Variants in EPOR observed in about 807,000 individuals in gnomAD.
EPOR encodes erythropoietin receptor.
Under a neutral mutation model 34.3 loss-of-function variants are expected in EPOR, and 20 were observed. The ratio of observed to expected loss-of-function variants is 0.58; its 90% confidence interval spans 0.41 to 0.85. The LOEUF (loss-of-function observed/expected upper bound fraction) is 0.85. Ranked by LOEUF, EPOR falls within the 40% of genes least tolerant of loss-of-function variation. The pLI, the probability that EPOR is intolerant of heterozygous loss-of-function variation, is 0.00. For synonymous variants in EPOR, 312 were observed against 299.0 expected (o/e 1.04, Z -0.45); for missense variants, 601 against 672.7 (o/e 0.89, Z 1.18).
rs1195449181 is a variant in EPOR, at chr19:11,383,987, G to A, written c.115+106C>T. The A allele has an allele frequency of 1.1e-5, 9 of 801,418 alleles. No individual in the cohort carries two copies. The East Asian group carries it at 1.9e-4, about 17-fold the overall frequency. The allele number at this position is 801,418 out of a possible 1,614,324, so 49.6% of individuals were successfully genotyped here. A position where few individuals can be genotyped will look rare whatever the true frequency, so the allele number is the denominator to read the frequency against. Reference sequence around the variant, plus strand: ...CAGCTTGGCCCCCAGGACCCGGTCAGGAAGTCCAGAAACAGGCATGGCCCC... The same window carrying A: ...CAGCTTGGCCCCCAGGACCCGGTCAAGAAGTCCAGAAACAGGCATGGCCCC... On this transcript the variant is annotated intron_variant, in intron 1 of 7. Coordinates refer to ENST00000222139, the MANE Select transcript of EPOR (RefSeq NM_000121.4). The surrounding 1 kb of genome is among the most constrained non-coding windows in gnomAD (Gnocchi z 4.9).
Position 11,381,415 on chromosome 19 carries a change from A to G in EPOR, c.586-206T>C, listed in dbSNP as rs748015353. On this transcript the variant is annotated intron_variant, in intron 4 of 7. Coordinates refer to ENST00000222139, the MANE Select transcript of EPOR (RefSeq NM_000121.4). This position sits in a 1 kb window ranked among gnomAD's most constrained non-coding sequence, Gnocchi z 5.3. ...TGGTACGAAAGGGCGGGACCCGGGC[A>G]ATTTAATATCTGGGCTAGCACTCGT... is the stretch of plus-strand genomic sequence containing the variant. 2.9e-6 allele frequency: 2 copies of G among 693,108 alleles called. No individual in the cohort carries two copies. The highest frequency in any genetic ancestry group is 4.8e-6 in the Non-Finnish European group (2 of 414,756). 42.9% of individuals were successfully genotyped at this position (693,108 alleles called of 1,614,324 possible). A position where few individuals can be genotyped will look rare whatever the true frequency, so the allele number is the denominator to read the frequency against.
chr19:11,379,388 C>G lies in EPOR; in HGVS notation c.828-610G>C, dbSNP rs184452209. Among the ~76,000 whole-genome samples, 4 of 152,176 alleles carry G rather than the reference C, an allele frequency of 2.6e-5. No individual in the cohort carries two copies. The East Asian group carries it at 7.7e-4, about 29-fold the overall frequency. On this transcript the variant is annotated intron_variant, in intron 6 of 7. Coordinates refer to ENST00000222139, the MANE Select transcript of EPOR (RefSeq NM_000121.4). ...CCTGAGGTCAGGAGTTTGAGACCAG[C>G]CTGGCCAACATGGTGGAACCCCGTC...
At chr19:11,382,895 T>G in intron 2 of EPOR, 1 of 1,528,700 alleles carries the variant, frequency 6.5e-7, no homozygotes, top group Non-Finnish European at 8.7e-7. Context: ...GGGGTCGCGT[T>G]CCAGCGGTGA....
At position 11,381,797 on chromosome 19, in the gene EPOR, G is replaced by A. The variant is rs2144698284; in HGVS notation, c.480C>T (p.Gly160=). Residue 160 remains glycine, a synonymous_variant, in exon 4 of 8, where the codon GGC becomes GGT. Transcript: ENST00000222139. This position sits in a 1 kb window ranked among gnomAD's most constrained non-coding sequence, Gnocchi z 5.3. ...GLVARLADES[G]HVVLRWLPPP... ...GCGGGAGCCAGCGCAACACTACGTG[G>A]CCGCTCTCGTCAGCCAACCGCGCCA... The A allele has an allele frequency of 6.2e-7, 1 of 1,613,752 alleles. No individual in the cohort carries two copies. Among genetic ancestry groups the A allele is most frequent in the Non-Finnish European group, 8.5e-7 (1 of 1,179,850 alleles).
rs1968320858 is a variant in EPOR at position 11,378,982 on chromosome 19, TGAA to T, written c.828-207_828-205del. ...CAAAAGGGTAAATGGAACAGGGTAT[TGAA>T]GGGTGCATAGGAGTTCAATATACCT... On this transcript the variant is annotated intron_variant, in intron 6 of 7. Transcript: ENST00000222139. The surrounding 1 kb of genome is among the most constrained non-coding windows in gnomAD (Gnocchi z 5.3). Among the ~76,000 whole-genome samples, 1 of 152,072 alleles carries T rather than the reference TGAA, an allele frequency of 6.6e-6. No individual in the cohort carries two copies. Among genetic ancestry groups the T allele is most frequent in the Non-Finnish European group, 1.5e-5 (1 of 68,004 alleles).
Position 11,384,129 on chromosome 19 carries a change from G to T in EPOR, c.79C>A (p.Pro27Thr). 6.4e-7 allele frequency: 1 copy of T among 1,550,410 alleles called. No homozygotes were observed. Among genetic ancestry groups the T allele is most frequent in the Non-Finnish European group, 8.7e-7 (1 of 1,146,624 alleles). Residue 27 changes from proline (P) to threonine (T), a missense_variant, in exon 1 of 8, where the codon CCG (proline) becomes ACG (threonine). Transcript: ENST00000222139. The stretch of plus-strand genomic sequence containing the variant: ...AACTTGGGGTCCGGGAGGTTAGGCG[G>T]GGGCGCCCAGGCGGCCCCAGCGAGC... ...LLLAGAAWAP[P>T]PNLPDPKFES...
Position 11,377,966 on chromosome 19 carries a change from C to T in EPOR, c.*18G>A, listed in dbSNP as rs775746449. On this transcript the variant is annotated 3_prime_UTR_variant, in exon 8 of 8. Coordinates refer to ENST00000222139, the MANE Select transcript of EPOR (RefSeq NM_000121.4). ...CTCTGAGTCATATTGGATCCCTGAT[C>T]ATCTGCAGCCTGGTGTCCTAAGAGC... The T allele has an allele frequency of 1.2e-6, 2 of 1,613,664 alleles. No individual in the cohort carries two copies. Among genetic ancestry groups the T allele is most frequent in the African/African-American group, 1.3e-5 (1 of 74,912 alleles).
chr19:11,382,087 C>T lies in EPOR; in HGVS notation c.270G>A (p.Leu90=), dbSNP rs1200864133. The T allele has an allele frequency of 6.2e-7, 1 of 1,613,816 alleles. No individual in the cohort carries two copies. Among genetic ancestry groups the T allele is most frequent in the African/African-American group, 1.3e-5 (1 of 74,934 alleles). ...CCGTGGGAGCCTGGTGCAGGCGACA[C>T]AGCTTCCATGGCTCATCCCTATGCG... ...SYQLEDEPWK[L]CRLHQAPTAR... is the part of the protein sequence containing the mutation. Residue 90 remains leucine (L), a synonymous_variant, in exon 3 of 8, where the codon CTG becomes CTA. Coordinates refer to ENST00000222139, the MANE Select transcript of EPOR (RefSeq NM_000121.4).
In EPOR at chr19:11,383,332, G is replaced by T; in HGVS notation, c.116-100C>A. The T allele has an allele frequency of 8.1e-7, 1 of 1,239,616 alleles. No homozygotes were observed. Among genetic ancestry groups the T allele is most frequent in the Non-Finnish European group, 1.1e-6 (1 of 915,162 alleles). The allele number at this position is 1,239,616 out of a possible 1,614,324, so 76.8% of individuals were successfully genotyped here. The stretch of plus-strand genomic sequence containing the variant: ...CCCGCAGCCTGGGCGGACCCGATAA[G>T]AAAAAAGCCCCGCCCTGCCATCTTC... On this transcript the variant is annotated intron_variant, in intron 1 of 7. Coordinates refer to ENST00000222139, the MANE Select transcript of EPOR (RefSeq NM_000121.4). The surrounding 1 kb of genome is among the most constrained non-coding windows in gnomAD (Gnocchi z 4.9).
chr19:11,382,108 A>G lies in EPOR; in HGVS notation c.252-3T>C, dbSNP rs1236416679. The G allele has an allele frequency of 1.2e-6, 2 of 1,610,952 alleles. No homozygotes were observed. The highest frequency in any genetic ancestry group is 1.1e-5 in the South Asian group (1 of 90,984). On this transcript the variant is annotated splice_region_variant and splice_polypyrimidine_tract_variant and intron_variant, in intron 2 of 7. Transcript: ENST00000222139. ...GACACAGCTTCCATGGCTCATCCCTATGCGCCCAGGGAAGGGAGCAGGTTG... is the reference window on the plus strand; with the variant it reads ...GACACAGCTTCCATGGCTCATCCCTGTGCGCCCAGGGAAGGGAGCAGGTTG...
In EPOR at chr19:11,384,212, C is replaced by G. The variant is rs1415972415; in HGVS notation, c.-5G>C. 1.3e-6 allele frequency: 2 copies of G among 1,525,854 alleles called. No homozygotes were observed. Among genetic ancestry groups the G allele is most frequent in the South Asian group, 1.2e-5 (1 of 83,604 alleles). The allele number at this position is 1,525,854 out of a possible 1,614,324, so 94.5% of individuals were successfully genotyped here. A position where few individuals can be genotyped will look rare whatever the true frequency, so the allele number is the denominator to read the frequency against. ...GGACGCCCCGAGGTGGTCCATGATA[C>G]AGCCCCCGCCACGGGGAGCCCAGGG... On this transcript the variant is annotated 5_prime_UTR_variant, in exon 1 of 8. Coordinates refer to ENST00000222139, the MANE Select transcript of EPOR (RefSeq NM_000121.4).
Position 11,378,451 on chromosome 19 carries a change from G to T in EPOR, c.1060C>A (p.Pro354Thr). 1 of 1,614,110 alleles carries T rather than the reference G, an allele frequency of 6.2e-7. No individual in the cohort carries two copies. Among genetic ancestry groups the T allele is most frequent in the Non-Finnish European group, 8.5e-7 (1 of 1,180,008 alleles). ...TCACTGCCCACTGGCTCCAGCAGGG[G>T]GCCCTCATCATCTGTCCCCGGCTCC... ...AVEPGTDDEG[P>T]LLEPVGSEHA... The change falls in exon 8 of 8, where the codon CCC becomes ACC. Residue 354 changes from proline (P) to threonine (T), a missense_variant. Pro to Thr is a conservative substitution (Grantham distance 38). Transcript: ENST00000222139. This position sits in a 1 kb window ranked among gnomAD's most constrained non-coding sequence, Gnocchi z 5.3.
intron 2 of EPOR, 152 bp from the exon 3 acceptor site, chr19:11,382,257 G>C: frequency 1.5e-6 from 1 of 674,320 alleles, no homozygotes. Context: ...CTGGAGTGCA[G>C]TGGCGCGATC....
chr19:11,379,458 T>A (rs148651650), intron 6 of EPOR, among the ~76,000 whole-genome samples: 1,873 of 151,868 alleles, frequency 0.012, 41 homozygotes, highest in African/African-American at 0.042. Context: ...GCCTGTAATC[T>A]CAGCTACTCA....
At chr19:11,380,139 C>A (rs1050072669) in intron 6 of EPOR, among the ~76,000 whole-genome samples, 2 of 152,224 alleles carry the variant, frequency 1.3e-5, no homozygotes, top group Non-Finnish European at 2.9e-5. Context: ...TCTGATGTCA[C>A]CTCCTCCTGG....
At position 11,380,961 on chromosome 19, in the gene EPOR, G is replaced by T; in HGVS notation, c.750C>A (p.Pro250=). 1 of 1,552,884 alleles carries T rather than the reference G, an allele frequency of 6.4e-7. No individual in the cohort carries two copies. Among genetic ancestry groups the T allele is most frequent in the East Asian group, 2.4e-5 (1 of 41,098 alleles). The change falls in exon 6 of 8, where the codon CCC becomes CCA. Residue 250 remains proline (P), a synonymous_variant. Transcript: ENST00000222139. ...VSLLTPSDLD[P]LILTLSLILV... ...GGATGAGGGAGAGCGTCAGGATGAG[G>T]GGGTCCAGGTCTAAGAGGCGGGGAG...
At chr19:11,380,207 C>T (rs574200340) in intron 6 of EPOR, among the ~76,000 whole-genome samples, 30 of 152,338 alleles carry the variant, frequency 2.0e-4, no homozygotes, top group African/African-American at 7.0e-4. Context: ...TGTGATATCA[C>T]TCATTACAAT....
Position 11,380,979 on chromosome 19 carries a change from G to C in EPOR, c.740-8C>G. ...GGATGAGGGGGTCCAGGTCTAAGAG[G>C]CGGGGAGGAGGTCAGGGCGGTGGGC... On this transcript the variant is annotated splice_polypyrimidine_tract_variant and splice_region_variant and intron_variant, in intron 5 of 7. Transcript: ENST00000222139. 1 of 1,552,992 alleles carries C rather than the reference G, an allele frequency of 6.4e-7. No homozygotes were observed. Among genetic ancestry groups the C allele is most frequent in the East Asian group, 2.4e-5 (1 of 41,140 alleles).
Position 11,381,817 on chromosome 19 carries a change from G to T in EPOR, c.460C>A (p.Arg154=), listed in dbSNP as rs1357829713. The T allele has an allele frequency of 6.2e-7, 1 of 1,613,934 alleles. No homozygotes were observed. The highest frequency in any genetic ancestry group is 8.5e-7 in the Non-Finnish European group (1 of 1,179,888). The change falls in exon 4 of 8, where the codon CGG becomes AGG. Residue 154 remains arginine (R), a synonymous_variant. Transcript: ENST00000222139. The surrounding 1 kb of genome is among the most constrained non-coding windows in gnomAD (Gnocchi z 5.3). The part of the protein sequence containing the change: ...LLDAPVGLVA[R]LADESGHVVL... ...ACGTGGCCGCTCTCGTCAGCCAACC[G>T]CGCCACCAGCCCCACGGGGGCGTCT... is the stretch of plus-strand genomic sequence containing the variant.
Sources: gnomAD v4.1 joint callset for allele counts (sites outside exome capture counted in the v4.1 genomes callset) on GRCh38, gnomAD v4.1.1 for gene constraint, Gnocchi (gnomAD v3.1) non-coding constraint, MANE v1.5 for transcripts, NCBI Gene and HGNC (gene_info 2026-07-23, HGNC 2026-07-21) for gene names.